The following ABLIM1 variants were observed in gnomAD, a reference collection of about 807,000 sequenced individuals.
ABLIM1 encodes actin-binding LIM protein 1.
Under a neutral mutation model 107.0 loss-of-function variants are expected in ABLIM1, and 40 were observed. That is an observed-to-expected ratio of 0.37 (90% CI 0.29 to 0.49). The LOEUF is 0.49. Among genes scored for constraint, ABLIM1 ranks in the 20% least tolerant of loss-of-function variants. The pLI, the probability that ABLIM1 is intolerant of heterozygous loss-of-function variation, is 0.97. For missense variants in ABLIM1, 857 were observed against 1,008.5 expected, an observed-to-expected ratio of 0.85 and a Z score of 2.04; for synonymous variants, 357 against 357.3, an observed-to-expected ratio of 1.00 and a Z score of 0.01.
chr10:114,566,618 C>T (rs926276768), intron 4 of ABLIM1, among the ~76,000 whole-genome samples: 1 of 152,220 alleles, frequency 6.6e-6, no homozygotes, highest in Non-Finnish European at 1.5e-5. Flanking sequence ...TGTGTGCTAA[C>T]TTTCACTACT....
intron 1 of ABLIM1, among the ~76,000 whole-genome samples, chr10:114,669,047 T>G (rs1349044638): frequency 6.6e-6 from 1 of 152,178 alleles, no homozygotes; most frequent in Non-Finnish European, 1.5e-5. Context: ...TTTATGAACT[T>G]TGGACATTAA....
chr10:114,684,839 C>T, exon 1 of ABLIM1: 1 of 556,026 alleles, frequency 1.8e-6, no homozygotes, highest in Non-Finnish European at 2.3e-6. Flanking sequence ...CCTTCTGCCT[C>T]CTCTTTTTCC....
chr10:114,670,719 C>G (rs572113014), intron 1 of ABLIM1, among the ~76,000 whole-genome samples: 2 of 152,336 alleles, frequency 1.3e-5, no homozygotes, highest in Non-Finnish European at 2.9e-5. Context: ...GTCTTGAACT[C>G]CTGGGCCCAA....
At chr10:114,509,776 T>C (rs2061603261) in intron 6 of ABLIM1, among the ~76,000 whole-genome samples, 1 of 152,178 alleles carries the variant, frequency 6.6e-6, no homozygotes, top group African/African-American at 2.4e-5. Context: ...TATGTTAACC[T>C]GCCTGTATTA....
chr10:114,441,338 C>T (rs576992935), intron 18 of ABLIM1, among the ~76,000 whole-genome samples: 1 of 152,284 alleles, frequency 6.6e-6, no homozygotes, highest in South Asian at 2.1e-4. Flanking sequence ...TACATAGTTA[C>T]ATAATTGTAT....
intron 2 of ABLIM1, among the ~76,000 whole-genome samples, chr10:114,600,844 T>G (rs1483145477): frequency 1.3e-5 from 2 of 151,984 alleles, no homozygotes; most frequent in African/African-American, 4.8e-5. Context: ...ACAAAACCAT[T>G]CTTCTTCCTG....
At chr10:114,634,662 G>A (rs561177523) in intron 1 of ABLIM1, among the ~76,000 whole-genome samples, 1 of 152,138 alleles carries the variant, frequency 6.6e-6, no homozygotes, top group East Asian at 1.9e-4. Context: ...ATACTACATA[G>A]TGGTTCAGAG....
the ABLIM1 span, among the ~76,000 whole-genome samples, chr10:114,784,741 T>G: frequency 6.6e-6 from 1 of 151,474 alleles, no homozygotes; most frequent in Admixed American, 6.6e-5. Context: ...AAGTCAAAAT[T>G]TGAAATAAAC....
At chr10:114,506,746 C>T (rs890787469) in intron 6 of ABLIM1, among the ~76,000 whole-genome samples, 10 of 152,082 alleles carry the variant, frequency 6.6e-5, no homozygotes, top group African/African-American at 2.2e-4. Context: ...TAGACCTTTG[C>T]CAGATATACA....
At chr10:114,467,054 G>C (rs2065326693) in intron 11 of ABLIM1, among the ~76,000 whole-genome samples, 1 of 152,122 alleles carries the variant, frequency 6.6e-6, no homozygotes. Flanking sequence ...AGCTACTTGG[G>C]AGGCTGAGAC....
At chr10:114,532,057 T>G (rs1590969032) in intron 6 of ABLIM1, among the ~76,000 whole-genome samples, 1 of 152,188 alleles carries the variant, frequency 6.6e-6, no homozygotes, top group East Asian at 1.9e-4. Context: ...TCAAGTGATC[T>G]GCTCACTTTG....
chr10:114,751,891 T>A (rs1005963959), intron 1 of ABLIM1, among the ~76,000 whole-genome samples: 1 of 152,124 alleles, frequency 6.6e-6, no homozygotes, highest in African/African-American at 2.4e-5. Flanking sequence ...ACCAAATCCA[T>A]CGCAAGCTAC....
chr10:114,504,895 A>G (rs533568895), intron 6 of ABLIM1, among the ~76,000 whole-genome samples: 10 of 152,322 alleles, frequency 6.6e-5, no homozygotes, highest in African/African-American at 2.4e-4. Context: ...TGCTGTGTAG[A>G]TAAGAGAAAT....
intron 14 of ABLIM1, among the ~76,000 whole-genome samples, chr10:114,449,874 G>A (rs934381295): frequency 1.3e-5 from 2 of 152,118 alleles, no homozygotes; most frequent in Non-Finnish European, 1.5e-5. Context: ...TTTGGAAAGC[G>A]CTGCTCTGGC....
chr10:114,696,271 C>T (rs1034194778), intron 1 of ABLIM1, among the ~76,000 whole-genome samples: 3 of 152,168 alleles, frequency 2.0e-5, no homozygotes, highest in Non-Finnish European at 1.5e-5. Flanking sequence ...AAGATGACAA[C>T]AACAAAATAC....
chr10:114,445,471 A>G (rs544751461), intron 15 of ABLIM1, 68 bp from the exon 16 acceptor site: 2 of 1,339,704 alleles, frequency 1.5e-6, no homozygotes, highest in East Asian at 4.6e-5. Flanking sequence ...GGGCTAGTCC[A>G]TCTGTGTTCA....
At chr10:114,692,009 T>C (rs2081090072) in intron 1 of ABLIM1, among the ~76,000 whole-genome samples, 1 of 152,226 alleles carries the variant, frequency 6.6e-6, no homozygotes, top group South Asian at 2.1e-4. Flanking sequence ...ACTCAGTGTG[T>C]ATTACTTCTA....
At chr10:114,792,022 T>C in the ABLIM1 span, among the ~76,000 whole-genome samples, 7 of 152,238 alleles carry the variant, frequency 4.6e-5, no homozygotes, top group African/African-American at 1.7e-4. Context: ...CGGAAGCAAA[T>C]AGAGGTTAAG....
intron 1 of ABLIM1, among the ~76,000 whole-genome samples, chr10:114,732,180 C>CTTTTTTTTTTTTT (rs113276247): frequency 3.6e-5 from 4 of 109,878 alleles, no homozygotes; most frequent in Admixed American, 9.7e-5. Context: ...CTTTTCTTTT[C>CTTTTTTTTTTTTT]TTTTTTTTTT....
Sources: allele counts gnomAD v4.1 joint callset (sites outside exome capture counted in the v4.1 genomes callset), GRCh38; gene constraint gnomAD v4.1.1; transcripts MANE v1.5; gene names NCBI Gene and HGNC (gene_info 2026-07-23, HGNC 2026-07-21).